The following PSEN1 variants were observed in gnomAD, a reference collection of about 807,000 sequenced individuals.
PSEN1 encodes presenilin 1, also known as presenilin-1.
In PSEN1, 15 loss-of-function variants were observed where a neutral mutation model predicts 53.5. The ratio of observed to expected loss-of-function variants is 0.28; its 90% confidence interval spans 0.19 to 0.43. The LOEUF (loss-of-function observed/expected upper bound fraction) is 0.43, where lower values mean the gene tolerates loss of function less well. Ranked by LOEUF, PSEN1 falls within the 20% of genes least tolerant of loss-of-function variation. PSEN1 has a pLI of 1.00. For missense variants in PSEN1, 387 were observed against 571.2 expected, an observed-to-expected ratio of 0.68 and a Z score of 3.29; for synonymous variants, 208 against 209.8, an observed-to-expected ratio of 0.99 and a Z score of 0.08.
rs1489691662 is a variant in PSEN1, at chr14:73,201,237, G to A, written c.868+3108G>A. ...CCAGCAGCTGGGACTACAGGCACAC[G>A]CCGCCACGCCCGGCTAATTTTTGTA... is the stretch of plus-strand genomic sequence containing the variant. On this transcript the variant is annotated intron_variant, in intron 8 of 11. Transcript: ENST00000324501. 2.0e-5 allele frequency among the ~76,000 whole-genome samples: 3 copies of A among 151,958 alleles called. No homozygotes were observed. In the East Asian group the frequency reaches 5.9e-4, roughly 30 times the overall value.
At chr14:73,180,134 G>A (rs1360355051) in intron 5 of PSEN1, among the ~76,000 whole-genome samples, 2 of 151,932 alleles carry the variant, frequency 1.3e-5, no homozygotes, top group South Asian at 2.1e-4. Flanking sequence ...ACTGGGACAC[G>A]CCACCATGCC....
intron 3 of PSEN1, among the ~76,000 whole-genome samples, chr14:73,151,894 ATTTTTTTTTTTTTT>A (rs56754992): frequency 1.3e-4 from 5 of 38,974 alleles, no homozygotes; most frequent in East Asian, 9.0e-4. Flanking sequence ...ATATATATAT[ATTTTTTTTTTTTTT>A]TTTTTTTTTT....
Position 73,212,405 on chromosome 14 carries a change from G to C in PSEN1, c.1129+463G>C, listed in dbSNP as rs538454686. Among the ~76,000 whole-genome samples the C allele has an allele frequency of 6.6e-5, 10 of 152,124 alleles. No individual in the cohort carries two copies. The South Asian group carries it at 1.9e-3, about 28-fold the overall frequency. On this transcript the variant is annotated intron_variant, in intron 10 of 11. Coordinates refer to ENST00000324501, the MANE Select transcript of PSEN1 (RefSeq NM_000021.4). ...ATTACAGGCGTGAGCCACTGTACCT[G>C]GCCTCCCTTCAGACTTTTTAAGTTG... is the stretch of plus-strand genomic sequence containing the variant.
chr14:73,172,039 A>G (rs1227223759), intron 4 of PSEN1, among the ~76,000 whole-genome samples: 2 of 152,188 alleles, frequency 1.3e-5, no homozygotes, highest in African/African-American at 4.8e-5. Context: ...CTGTGAGGGT[A>G]CTGAGTCTCC....
At chr14:73,215,005 AG>A (rs1171848489) in intron 10 of PSEN1, among the ~76,000 whole-genome samples, 10 of 152,106 alleles carry the variant, frequency 6.6e-5, no homozygotes, top group Non-Finnish European at 1.2e-4. Context: ...CTCGTTGCCT[AG>A]GGTGGAGTGC....
intron 3 of PSEN1, 127 bp from the exon 4 acceptor site, chr14:73,170,670 A>G (rs1897857822): frequency 1.0e-6 from 1 of 985,482 alleles, no homozygotes; most frequent in South Asian, 1.4e-5. Flanking sequence ...CTTCCTGTAC[A>G]TTGTTTTTTC....
chr14:73,173,648 A>G lies in PSEN1; in HGVS notation c.421A>G (p.Ser141Gly). 1 of 1,613,964 alleles carries G rather than the reference A, an allele frequency of 6.2e-7. No homozygotes were observed. The highest frequency in any genetic ancestry group is 1.1e-5 in the South Asian group (1 of 91,072). Residue 141 changes from serine (S) to glycine (G), a missense_variant, in exon 5 of 12, where the codon AGT (serine) becomes GGT (glycine). Ser to Gly is a moderately conservative substitution (Grantham distance 56). Around this residue, in one of 4 missense-constraint regions of PSEN1, gnomAD observed 169 missense variants for 299.7 expected, o/e 0.56. Transcript: ENST00000324501. ...HSILNAAIMI[S>G]VIVVMTILLV... ...AATTCTGAATGCTGCCATCATGATC[A>G]GTGTCATTGTTGTCATGACTATCCT...
chr14:73,174,992 A>G (rs1898002967), intron 5 of PSEN1, among the ~76,000 whole-genome samples: 1 of 152,140 alleles, frequency 6.6e-6, no homozygotes, highest in Non-Finnish European at 1.5e-5. Flanking sequence ...ATCACAAGTC[A>G]TGCACCTTTT....
At chr14:73,165,729 CAA>C (rs1429771232) in intron 3 of PSEN1, among the ~76,000 whole-genome samples, 4 of 127,368 alleles carry the variant, frequency 3.1e-5, no homozygotes, top group East Asian at 4.7e-4. Context: ...GCCTGGGCAA[CAA>C]GAGTGAAACT....
intron 5 of PSEN1, 167 bp downstream of exon 5, chr14:73,173,874 A>G (rs1009486306): frequency 3.5e-6 from 3 of 858,978 alleles, no homozygotes; most frequent in African/African-American, 3.3e-5. Context: ...AAAAAATACA[A>G]AAAGGAAGCC....
At position 73,195,970 on chromosome 14, in the gene PSEN1, G is replaced by A. The variant is rs147199304; in HGVS notation, c.770-2061G>A. On this transcript the variant is annotated intron_variant, in intron 7 of 11. Coordinates refer to ENST00000324501, the MANE Select transcript of PSEN1 (RefSeq NM_000021.4). Reference sequence around the variant, plus strand: ...TCCCAAGTCCAATATTCTTTTCACCGTATTACAATATTTTTACCATCAACC... The same window carrying A: ...TCCCAAGTCCAATATTCTTTTCACCATATTACAATATTTTTACCATCAACC... 5.2e-3 allele frequency among the ~76,000 whole-genome samples: 789 copies of A among 152,134 alleles called. 4 individuals carry two copies. Among genetic ancestry groups the A allele is most frequent in the African/African-American group, 0.018 (754 of 41,508 alleles).
At chr14:73,157,055 C>T (rs1459329504) in intron 3 of PSEN1, among the ~76,000 whole-genome samples, 1 of 152,052 alleles carries the variant, frequency 6.6e-6, no homozygotes, top group Non-Finnish European at 1.5e-5. Context: ...GGAAATCCCT[C>T]AGTATTCTAG....
chr14:73,181,265 T>G (rs1898204279), intron 5 of PSEN1, among the ~76,000 whole-genome samples: 1 of 151,692 alleles, frequency 6.6e-6, no homozygotes, highest in African/African-American at 2.4e-5. Context: ...CATGGAGAAA[T>G]CCTGTCTCTA....
At chr14:73,170,604 G>C (rs1897856551) in intron 3 of PSEN1, among the ~76,000 whole-genome samples, 193 bp from the exon 4 acceptor site, 1 of 152,162 alleles carries the variant, frequency 6.6e-6, no homozygotes, top group South Asian at 2.1e-4. Context: ...GTAAAAGAGA[G>C]GACCTGAATG....
At position 73,174,876 on chromosome 14, in the gene PSEN1, C is replaced by T. The variant is rs375489593; in HGVS notation, c.480+1169C>T. 5.9e-5 allele frequency among the ~76,000 whole-genome samples: 9 copies of T among 152,160 alleles called. No individual in the cohort carries two copies. The East Asian group carries it at 1.2e-3, about 20-fold the overall frequency. Reference sequence around the variant, plus strand: ...CTTCTCAGCCTCTCCTCCCCTAGCTCGCTCTTTTGCCAAAGTGACCTACTG... The same window carrying T: ...CTTCTCAGCCTCTCCTCCCCTAGCTTGCTCTTTTGCCAAAGTGACCTACTG... On this transcript the variant is annotated intron_variant, in intron 5 of 11. Coordinates refer to ENST00000324501, the MANE Select transcript of PSEN1 (RefSeq NM_000021.4).
intron 3 of PSEN1, among the ~76,000 whole-genome samples, chr14:73,150,143 C>T (rs1897176018): frequency 6.6e-6 from 1 of 152,118 alleles, no homozygotes; most frequent in Non-Finnish European, 1.5e-5. Context: ...ACCCATGTAC[C>T]TATCACCCAG....
rs1900131876 is a variant in PSEN1 at position 73,222,256 on chromosome 14, C to CT, written c.*2968dup. 6.6e-6 allele frequency: 1 copy of CT among 152,190 alleles called. No individual in the cohort carries two copies. Among genetic ancestry groups the CT allele is most frequent in the African/African-American group, 2.4e-5 (1 of 41,444 alleles). The allele number at this position is 152,190 out of a possible 1,614,324, so 9.4% of individuals were successfully genotyped here. On this transcript the variant is annotated 3_prime_UTR_variant, in exon 12 of 12. Transcript: ENST00000324501. ...ATAAGTAAGCAATTTGTTGATTTTACTACAGAAGCAACAACTGAAGAGGCA... is the reference window on the plus strand; with the variant it reads ...ATAAGTAAGCAATTTGTTGATTTTACTTACAGAAGCAACAACTGAAGAGGCA...
chr14:73,216,773 T>A lies in PSEN1; in HGVS notation c.1130-353T>A, dbSNP rs111607475. Among the ~76,000 whole-genome samples, 119 of 150,798 alleles carry A rather than the reference T, an allele frequency of 7.9e-4. 1 individual carries two copies. Among genetic ancestry groups the A allele is most frequent in the East Asian group, 4.3e-3 (22 of 5,144 alleles). ...AACTCCATCTCAAAAAAAAAAAAAA[T>A]ATTAATTAATATGATAAAATGATGC... On this transcript the variant is annotated intron_variant, in intron 10 of 11. Transcript: ENST00000324501.
chr14:73,189,761 G>A, intron 6 of PSEN1: 1 of 199,472 alleles, frequency 5.0e-6, no homozygotes, highest in Non-Finnish European at 1.1e-5. Flanking sequence ...CTGGACACTG[G>A]TGAAGCAGAG....
Sources: allele counts gnomAD v4.1 joint callset (sites outside exome capture counted in the v4.1 genomes callset), GRCh38; gene constraint gnomAD v4.1.1; regional missense constraint gnomAD v4.1.1; transcripts MANE v1.5; gene names NCBI Gene and HGNC (gene_info 2026-07-23, HGNC 2026-07-21).